The following GCN1 variants were observed in gnomAD, a reference collection of about 807,000 sequenced individuals.
GCN1 encodes stalled ribosome sensor GCN1.
GCN1 carries 90 observed loss-of-function variants against 288.4 expected under a neutral mutation model. The observed-to-expected ratio is 0.31, with a 90% CI of 0.26 to 0.37. GCN1 has a LOEUF of 0.37. GCN1 is among the 10% of genes least tolerant of loss of function. The pLI, the probability that GCN1 is intolerant of heterozygous loss-of-function variation, is 1.00. For synonymous variants in GCN1, 1,386 were observed against 1,420.2 expected, an observed-to-expected ratio of 0.98 and a Z score of 0.54; for missense variants, 2,586 against 3,419.9, an observed-to-expected ratio of 0.76 and a Z score of 6.08.
intron 38 of GCN1, among the ~76,000 whole-genome samples, chr12:120,146,076 G>C (rs1247594820): frequency 6.6e-6 from 1 of 152,002 alleles, no homozygotes; most frequent in Non-Finnish European, 1.5e-5. Context: ...AGACCAGCCT[G>C]GCCAACATGG....
chr12:120,129,635 C>T lies in GCN1; in HGVS notation c.7672-141G>A, dbSNP rs762267663. 7 of 665,996 alleles carry T rather than the reference C, an allele frequency of 1.1e-5. No individual in the cohort carries two copies. In the Admixed American group the frequency reaches 1.4e-4, roughly 13 times the overall value. The allele number at this position is 665,996 out of a possible 1,614,324, so 41.3% of individuals were successfully genotyped here. On this transcript the variant is annotated intron_variant, in intron 56 of 57. Coordinates refer to ENST00000300648, the MANE Select transcript of GCN1 (RefSeq NM_006836.2). ...CCTGTGGGAGGGTCCCAGCATGACT[C>T]GACCCTGGTTTCCTGCACCCTCATC...
At position 120,137,629 on chromosome 12, in the gene GCN1, C is replaced by G; in HGVS notation, c.6579G>C (p.Leu2193=). Residue 2193 remains leucine (L), a synonymous_variant, in exon 49 of 58, where the codon CTG becomes CTC. Coordinates refer to ENST00000300648, the MANE Select transcript of GCN1 (RefSeq NM_006836.2). This position sits in a 1 kb window ranked among gnomAD's most constrained non-coding sequence, Gnocchi z 5.2. ...KADYTSHLRS[L]VSGLIRLFND... ...TGAAGAGGCGGATCAGGCCCGAGAC[C>G]AGGCTCCGCAGGTGGCTGGTGTAGT... 1 of 1,614,192 alleles carries G rather than the reference C, an allele frequency of 6.2e-7. No homozygotes were observed. The highest frequency in any genetic ancestry group is 8.5e-7 in the Non-Finnish European group (1 of 1,180,022).
At position 120,158,107 on chromosome 12, in the gene GCN1, G is replaced by T; in HGVS notation, c.2906-77C>A. ...CCACTGCTGCCTATTTCTATCCTCA[G>T]GGAAAGTAGGGAACGGATGGACCAG... On this transcript the variant is annotated intron_variant, in intron 25 of 57. Coordinates refer to ENST00000300648, the MANE Select transcript of GCN1 (RefSeq NM_006836.2). This position sits in a 1 kb window ranked among gnomAD's most constrained non-coding sequence, Gnocchi z 4.3. The T allele has an allele frequency of 7.0e-7, 1 of 1,420,778 alleles. No individual in the cohort carries two copies. 88.0% of individuals were successfully genotyped at this position (1,420,778 alleles called of 1,614,324 possible).
intron 11 of GCN1, 49 bp downstream of exon 11, chr12:120,175,697 A>G: frequency 6.4e-7 from 1 of 1,572,876 alleles, no homozygotes; most frequent in Non-Finnish European, 8.6e-7. Flanking sequence ...TGAGGGAAAT[A>G]CCAGGGGCCA....
At chr12:120,157,487 C>T (rs532717670) in intron 26 of GCN1, among the ~76,000 whole-genome samples, 1 of 152,266 alleles carries the variant, frequency 6.6e-6, no homozygotes, top group African/African-American at 2.4e-5. Context: ...CAAGAGGGCA[C>T]ATCACAGTGC....
chr12:120,144,578 G>C lies in GCN1; in HGVS notation c.5352+61C>G, dbSNP rs1333510287. On this transcript the variant is annotated intron_variant, in intron 41 of 57. Transcript: ENST00000300648. The surrounding 1 kb of genome is among the most constrained non-coding windows in gnomAD (Gnocchi z 4.7). ...CCAGCAGGGATCTCTAGCTCTCCAG[G>C]TGAGCACTTGCCTCCTGCCCTCCTC... is the stretch of plus-strand genomic sequence containing the variant. 15 of 1,557,222 alleles carry C rather than the reference G, an allele frequency of 9.6e-6. No individual in the cohort carries two copies. The highest frequency in any genetic ancestry group is 2.7e-5 in the African/African-American group (2 of 73,812).
intron 12 of GCN1, 24 bp from the exon 13 acceptor site, chr12:120,174,193 GTC>G: frequency 1.5e-6 from 2 of 1,328,862 alleles, no homozygotes; most frequent in Non-Finnish European, 1.1e-6. Context: ...TCCCTGTTCA[GTC>G]TCTTATCAGC....
At chr12:120,165,271 G>A (rs1401132006) in intron 16 of GCN1, among the ~76,000 whole-genome samples, 3 of 151,998 alleles carry the variant, frequency 2.0e-5, no homozygotes, top group African/African-American at 4.8e-5. Flanking sequence ...TCCTGGCCTC[G>A]TGATCCACCT....
chr12:120,137,094 C>G lies in GCN1; in HGVS notation c.6777+112G>C, dbSNP rs1363148409. 3 of 768,254 alleles carry G rather than the reference C, an allele frequency of 3.9e-6. No individual in the cohort carries two copies. The highest frequency in any genetic ancestry group is 6.9e-6 in the Non-Finnish European group (3 of 435,780). The allele number at this position is 768,254 out of a possible 1,614,324, so 47.6% of individuals were successfully genotyped here. A position where few individuals can be genotyped will look rare whatever the true frequency, so the allele number is the denominator to read the frequency against. ...GTCTGCGAAGGTGCTGAACACCAAC[C>G]ACCACGGCTACTGCTCCAGCAGCCC... On this transcript the variant is annotated intron_variant, in intron 50 of 57. Coordinates refer to ENST00000300648, the MANE Select transcript of GCN1 (RefSeq NM_006836.2). The surrounding 1 kb of genome is among the most constrained non-coding windows in gnomAD (Gnocchi z 5.2).
At chr12:120,165,315 G>A (rs369035881) in intron 16 of GCN1, among the ~76,000 whole-genome samples, 11 of 152,236 alleles carry the variant, frequency 7.2e-5, no homozygotes, top group East Asian at 1.9e-4. Context: ...GATTACAGGC[G>A]TGAGCCACTG....
intron 7 of GCN1, 65 bp from the exon 8 acceptor site, chr12:120,177,817 G>A (rs1459490391): frequency 4.2e-6 from 5 of 1,183,450 alleles, no homozygotes; most frequent in East Asian, 4.7e-5. Flanking sequence ...GGCCTAAGGG[G>A]TCCCTCTTGT....
rs1285562742 is a variant in GCN1, at chr12:120,164,462, C to T, written c.1722G>A (p.Leu574=). Residue 574 remains leucine (L), a synonymous_variant, in exon 18 of 58, where the codon CTG becomes CTA. Transcript: ENST00000300648. ...QYHRALVAVL[L]SRTWHVRRQA... ...GCCTGCGGACGTGCCAGGTGCGGCT[C>T]AGGAGCACCGCCACCAGAGCCCGGT... is the stretch of plus-strand genomic sequence containing the variant. The T allele has an allele frequency of 6.2e-7, 1 of 1,614,136 alleles. No homozygotes were observed. The highest frequency in any genetic ancestry group is 1.1e-5 in the South Asian group (1 of 91,078).
Position 120,175,826 on chromosome 12 carries a change from G to A in GCN1, c.962C>T (p.Ala321Val). Residue 321 changes from alanine to valine, a missense_variant, in exon 11 of 58, where the codon GCA (alanine) becomes GTA (valine). By Grantham distance (64) the Ala-to-Val change is moderately conservative. Around this residue, in one of 8 missense-constraint regions of GCN1, gnomAD observed 913 missense variants for 1,107.0 expected, o/e 0.82. Coordinates refer to ENST00000300648, the MANE Select transcript of GCN1 (RefSeq NM_006836.2). ...SPRLMDEAVL[A>V]LRNLARQCSD... ...GCACTGGCGTGCCAGGTTCCGCAGT[G>A]CCAGCACAGCTTCATCCATCAGGCG... is the stretch of plus-strand genomic sequence containing the variant. 1 of 1,613,194 alleles carries A rather than the reference G, an allele frequency of 6.2e-7. No homozygotes were observed.
intron 42 of GCN1, among the ~76,000 whole-genome samples, chr12:120,143,722 T>A (rs929460729): frequency 6.6e-6 from 1 of 152,174 alleles, no homozygotes; most frequent in East Asian, 1.9e-4. Flanking sequence ...ATTCCCTACA[T>A]CCTTGAAATA....
At chr12:120,154,309 A>G (rs1349759469) in intron 31 of GCN1, among the ~76,000 whole-genome samples, 1 of 152,254 alleles carries the variant, frequency 6.6e-6, no homozygotes, top group Non-Finnish European at 1.5e-5. Flanking sequence ...GTCATGGAGC[A>G]AAGAATCTGT....
chr12:120,172,826 A>G (rs917359489), intron 14 of GCN1, among the ~76,000 whole-genome samples: 2 of 151,976 alleles, frequency 1.3e-5, no homozygotes, highest in Non-Finnish European at 2.9e-5. Context: ...TTCTTTAAAT[A>G]CAGTTCATAA....
chr12:120,192,958 C>G (rs1879053474), intron 1 of GCN1, among the ~76,000 whole-genome samples: 1 of 152,092 alleles, frequency 6.6e-6, no homozygotes, highest in South Asian at 2.1e-4. Context: ...ATTGCTTGAA[C>G]CTGGGAGGCA....
chr12:120,161,404 AAC>A (rs2139114886), intron 22 of GCN1, 84 bp downstream of exon 22: 1 of 817,372 alleles, frequency 1.2e-6, no homozygotes, highest in South Asian at 1.5e-5. Flanking sequence ...GTTCCAAGTG[AAC>A]AGCATATGTG....
intron 2 of GCN1, among the ~76,000 whole-genome samples, chr12:120,186,331 C>T (rs923569045): frequency 2.0e-5 from 3 of 151,256 alleles, no homozygotes; most frequent in African/African-American, 7.3e-5. Flanking sequence ...GCAGAGATGG[C>T]GCCACTGCAC....
Sources: gnomAD v4.1 joint callset for allele counts (sites outside exome capture counted in the v4.1 genomes callset) on GRCh38, gnomAD v4.1.1 for gene constraint, gnomAD v4.1.1 regional missense constraint, Gnocchi (gnomAD v3.1) non-coding constraint, MANE v1.5 for transcripts, NCBI Gene and HGNC (gene_info 2026-07-23, HGNC 2026-07-21) for gene names.